The following CADM1 variants were observed in gnomAD, a reference collection of about 807,000 sequenced individuals.
The protein encoded by CADM1 is TSLC-1.
Under a neutral mutation model 53.1 loss-of-function variants are expected in CADM1, and 15 were observed. That is an observed-to-expected ratio of 0.28 (90% confidence interval 0.19 to 0.44). The LOEUF (loss-of-function observed/expected upper bound fraction) is 0.44. Ranked by LOEUF, CADM1 falls within the 20% of genes least tolerant of loss-of-function variation. CADM1 has a pLI of 1.00. For missense variants in CADM1, 434 were observed against 611.3 expected (o/e 0.71, Z 3.06); for synonymous variants, 281 against 243.0 (o/e 1.16, Z -1.45).
rs1174826125 is a variant in CADM1 at position 115,404,344 on chromosome 11, AAAATATATATATATATATATATATATAT to A, written c.124+99899_124+99926del. Among the ~76,000 whole-genome samples, 164 of 38,180 alleles carry A rather than the reference AAAATATATATATATATATATATATATAT, an allele frequency of 4.3e-3. 9 individuals are homozygous for A. Among genetic ancestry groups the A allele is most frequent in the African/African-American group, 0.014 (157 of 11,022 alleles). 25.0% of individuals were successfully genotyped at this position (38,180 alleles called of 152,430 possible). A position where few individuals can be genotyped will look rare whatever the true frequency, so the allele number is the denominator to read the frequency against. ...CTGTCTCGGAAAAAAAAAAAAAAAA[AAAATATATATATATATATATATATATAT>A]ATATATATATATATATGGCCCATTT... On this transcript the variant is annotated intron_variant, in intron 1 of 11. Coordinates refer to ENST00000331581, the MANE Select transcript of CADM1 (RefSeq NM_001301043.2).
intron 1 of CADM1, among the ~76,000 whole-genome samples, chr11:115,411,132 T>C (rs1947450497): frequency 6.6e-6 from 1 of 152,180 alleles, no homozygotes; most frequent in Non-Finnish European, 1.5e-5. Context: ...CATATATTAA[T>C]AACACCCAGT....
chr11:115,464,759 G>T (rs1948863072), intron 1 of CADM1, among the ~76,000 whole-genome samples: 1 of 152,192 alleles, frequency 6.6e-6, no homozygotes, highest in African/African-American at 2.4e-5. Context: ...CTGAATAGAT[G>T]AGTAGGGCAA....
At chr11:115,449,648 A>G (rs191830431) in intron 1 of CADM1, among the ~76,000 whole-genome samples, 1 of 152,338 alleles carries the variant, frequency 6.6e-6, no homozygotes, top group Admixed American at 6.5e-5. Flanking sequence ...TGCATTCTTA[A>G]AAGTTGCATC....
At chr11:115,372,718 G>A (rs1946338444) in intron 1 of CADM1, among the ~76,000 whole-genome samples, 1 of 152,104 alleles carries the variant, frequency 6.6e-6, no homozygotes, top group African/African-American at 2.4e-5. Context: ...TCAATTAGAA[G>A]CTAAATGTTC....
At chr11:115,355,706 TAACA>T (rs1328585389) in intron 1 of CADM1, among the ~76,000 whole-genome samples, 8 of 52,198 alleles carry the variant, frequency 1.5e-4, no homozygotes, top group African/African-American at 5.8e-4. Flanking sequence ...TTTAAATTAC[TAACA>T]CACACACACA....
chr11:115,194,697 CAGAG>C (rs1020430916), intron 9 of CADM1, among the ~76,000 whole-genome samples: 10 of 152,094 alleles, frequency 6.6e-5, no homozygotes, highest in Admixed American at 6.5e-4. Context: ...GAGACGGAGA[CAGAG>C]AGACCTCAAA....
intron 1 of CADM1, among the ~76,000 whole-genome samples, chr11:115,414,217 G>A (rs182332022): frequency 1.1e-4 from 16 of 151,768 alleles, no homozygotes; most frequent in Admixed American, 7.9e-4. Flanking sequence ...AGATAATTGC[G>A]GAGTAGAAAA....
At chr11:115,369,297 C>T (rs967738608) in intron 1 of CADM1, among the ~76,000 whole-genome samples, 1 of 152,170 alleles carries the variant, frequency 6.6e-6, no homozygotes, top group African/African-American at 2.4e-5. Flanking sequence ...TTCTTTGAAA[C>T]CTTTGGGCAA....
At chr11:115,334,606 G>A (rs908298296) in intron 1 of CADM1, among the ~76,000 whole-genome samples, 3 of 152,052 alleles carry the variant, frequency 2.0e-5, no homozygotes, top group Non-Finnish European at 4.4e-5. Context: ...TCATAGGTAT[G>A]TATGTATAGG....
chr11:115,389,095 C>G (rs1488915925), intron 1 of CADM1, among the ~76,000 whole-genome samples: 1 of 151,656 alleles, frequency 6.6e-6, no homozygotes, highest in Non-Finnish European at 1.5e-5. Flanking sequence ...AGAAAAAATG[C>G]ACAGAGAAAG....
At chr11:115,295,606 C>T (rs987405315) in intron 1 of CADM1, among the ~76,000 whole-genome samples, 6 of 144,830 alleles carry the variant, frequency 4.1e-5, no homozygotes, top group Non-Finnish European at 9.0e-5. Flanking sequence ...TCTGCAATTT[C>T]CCTTCTTAAA....
Position 115,175,844 on chromosome 11 carries a change from G to A in CADM1, c.*630C>T. 1.0e-6 allele frequency: 1 copy of A among 994,160 alleles called. No individual in the cohort carries two copies. Among genetic ancestry groups the A allele is most frequent in the Non-Finnish European group, 1.2e-6 (1 of 835,098 alleles). 61.6% of individuals were successfully genotyped at this position (994,160 alleles called of 1,614,324 possible). On this transcript the variant is annotated 3_prime_UTR_variant, in exon 12 of 12. Coordinates refer to ENST00000331581, the MANE Select transcript of CADM1 (RefSeq NM_001301043.2). ...ACTGCTCTAAGTATTTGAAACATGG[G>A]CAGCAGCAAAGAGTTTTCATTGTTT...
rs1491560088 is a variant in CADM1 at position 115,169,638 on chromosome 11, G to GAGAGAA, written c.*6830_*6835dup. ...TAGAGAAAACAGGCCTAGAGAGAGG[G>GAGAGAA]AGAGAAAGAGAAAGAGAGAGAGATG... On this transcript the variant is annotated 3_prime_UTR_variant, in exon 12 of 12. Coordinates refer to ENST00000331581, the MANE Select transcript of CADM1 (RefSeq NM_001301043.2). 27 of 456,440 alleles carry GAGAGAA rather than the reference G, an allele frequency of 5.9e-5. No homozygotes were observed. The highest frequency in any genetic ancestry group is 3.8e-4 in the African/African-American group (19 of 50,048). 28.3% of individuals were successfully genotyped at this position (456,440 alleles called of 1,614,324 possible).
intron 1 of CADM1, among the ~76,000 whole-genome samples, chr11:115,349,913 A>C (rs1446357079): frequency 6.6e-6 from 1 of 152,094 alleles, no homozygotes; most frequent in Admixed American, 6.5e-5. Flanking sequence ...GCTTTACACC[A>C]CATGGGCCAA....
At chr11:115,492,529 T>C (rs1163948595) in intron 1 of CADM1, among the ~76,000 whole-genome samples, 1 of 152,050 alleles carries the variant, frequency 6.6e-6, no homozygotes, top group Non-Finnish European at 1.5e-5. Context: ...ACAAAAAAAC[T>C]AATCTGTAAA....
intron 1 of CADM1, among the ~76,000 whole-genome samples, chr11:115,252,388 G>T (rs1382725457): frequency 2.6e-5 from 4 of 152,052 alleles, no homozygotes; most frequent in Admixed American, 2.0e-4. Flanking sequence ...ACCTTCTTAT[G>T]ATCTTCCATA....
At chr11:115,300,197 A>G (rs1310490274) in intron 1 of CADM1, among the ~76,000 whole-genome samples, 2 of 152,164 alleles carry the variant, frequency 1.3e-5, no homozygotes, top group Non-Finnish European at 2.9e-5. Context: ...GATGATGTGA[A>G]TAACATTCCT....
At chr11:115,224,043 A>T (rs1941508209) in intron 5 of CADM1, among the ~76,000 whole-genome samples, 1 of 151,214 alleles carries the variant, frequency 6.6e-6, no homozygotes, top group Admixed American at 6.6e-5. Context: ...GCCAGCTATT[A>T]TGCTCTGAAG....
intron 1 of CADM1, among the ~76,000 whole-genome samples, chr11:115,312,057 C>CCGTCCTA (rs1430357202): frequency 1.4e-4 from 21 of 152,012 alleles, no homozygotes; most frequent in African/African-American, 4.8e-4. Flanking sequence ...CAACACATTC[C>CCGTCCTA]CGTCCTACAA....
Sources: allele counts gnomAD v4.1 joint callset (sites outside exome capture counted in the v4.1 genomes callset), GRCh38; gene constraint gnomAD v4.1.1; transcripts MANE v1.5; gene names NCBI Gene and HGNC (gene_info 2026-07-23, HGNC 2026-07-21).